The following ADGRL2 variants were observed in gnomAD, a reference collection of about 807,000 sequenced individuals.
ADGRL2 encodes the protein adhesion G protein-coupled receptor L2, also known as calcium-independent alpha-latrotoxin receptor 2.
Under a neutral mutation model 157.4 loss-of-function variants are expected in ADGRL2, and 44 were observed. The observed-to-expected ratio is 0.28, with a 90% CI of 0.22 to 0.36. The LOEUF (loss-of-function observed/expected upper bound fraction) is 0.36, where lower values mean the gene tolerates loss of function less well. Ranked by LOEUF, ADGRL2 falls within the 10% of genes least tolerant of loss-of-function variation. ADGRL2 has a pLI of 1.00. For missense variants in ADGRL2, 1,510 were observed against 1,768.9 expected, an observed-to-expected ratio of 0.85 and a Z score of 2.63; for synonymous variants, 585 against 624.7, an observed-to-expected ratio of 0.94 and a Z score of 0.95.
chr1:81,950,606 G>T, intron 7 of ADGRL2, 124 bp downstream of exon 7: 1 of 919,388 alleles, frequency 1.1e-6, no homozygotes. Context: ...TTGTACTTTG[G>T]TAATATAACA....
At chr1:81,893,450 A>G (rs1490486851) in intron 2 of ADGRL2, among the ~76,000 whole-genome samples, 4 of 152,190 alleles carry the variant, frequency 2.6e-5, no homozygotes, top group Non-Finnish European at 5.9e-5. Context: ...GGAAGGGGCT[A>G]TTAGAGTAGT....
At chr1:81,864,932 G>A (rs923436473) in intron 2 of ADGRL2, among the ~76,000 whole-genome samples, 1 of 152,156 alleles carries the variant, frequency 6.6e-6, no homozygotes, top group Non-Finnish European at 1.5e-5. Flanking sequence ...GTTGCAGTGA[G>A]CCAAGATCGC....
chr1:81,656,640 C>T (rs1557542064), intron 3 of ADGRL2, among the ~76,000 whole-genome samples: 4 of 152,102 alleles, frequency 2.6e-5, no homozygotes, highest in African/African-American at 7.2e-5. Context: ...GGTATCTTAA[C>T]CTGTGAATTT....
chr1:81,908,865 CT>C (rs1444647260), intron 3 of ADGRL2, among the ~76,000 whole-genome samples: 3 of 123,300 alleles, frequency 2.4e-5, no homozygotes, highest in African/African-American at 9.5e-5. Context: ...ATCTGTACAT[CT>C]TTTTTTTCTT....
At chr1:81,756,031 T>G (rs1167701603) in intron 1 of ADGRL2, among the ~76,000 whole-genome samples, 1 of 152,168 alleles carries the variant, frequency 6.6e-6, no homozygotes, top group African/African-American at 2.4e-5. Context: ...TAAAATATCC[T>G]TTAATCTAAA....
chr1:81,537,898 C>T (rs752666717), intron 2 of ADGRL2, among the ~76,000 whole-genome samples: 1 of 152,018 alleles, frequency 6.6e-6, no homozygotes, highest in Non-Finnish European at 1.5e-5. Context: ...CAGGATTTCA[C>T]CATGTTGGCC....
chr1:81,534,619 A>G (rs1368639571), intron 2 of ADGRL2, among the ~76,000 whole-genome samples: 1 of 152,258 alleles, frequency 6.6e-6, no homozygotes, highest in Non-Finnish European at 1.5e-5. Context: ...AAAGAAATTG[A>G]GTCTGTGATC....
intron 11 of ADGRL2, among the ~76,000 whole-genome samples, chr1:81,958,303 T>C (rs1294305604): frequency 1.3e-5 from 2 of 151,896 alleles, no homozygotes; most frequent in Non-Finnish European, 2.9e-5. Flanking sequence ...GTTGTGTCTT[T>C]TTTATTTCCA....
intron 1 of ADGRL2, among the ~76,000 whole-genome samples, chr1:81,322,374 T>C (rs1265068456): frequency 1.3e-5 from 2 of 151,910 alleles, no homozygotes; most frequent in African/African-American, 2.4e-5. Context: ...TATACGATAC[T>C]TAGGAATAAA....
chr1:81,983,001 CA>C (rs780362789), intron 19 of ADGRL2, among the ~76,000 whole-genome samples: 5 of 151,842 alleles, frequency 3.3e-5, no homozygotes, highest in South Asian at 2.1e-4. Context: ...AAACATTGTA[CA>C]GGGGTAACAT....
chr1:81,966,382 G>T, intron 12 of ADGRL2, 22 bp from the exon 13 acceptor site: 1 of 1,605,132 alleles, frequency 6.2e-7, no homozygotes, highest in Non-Finnish European at 8.5e-7. Flanking sequence ...TGTACATCAT[G>T]TGACTATTTT....
intron 17 of ADGRL2, among the ~76,000 whole-genome samples, chr1:81,975,905 T>G (rs1007116584): frequency 2.0e-5 from 3 of 151,986 alleles, no homozygotes; most frequent in African/African-American, 4.8e-5. Flanking sequence ...TGGAATATTT[T>G]CCCCTGCAAA....
intron 2 of ADGRL2, among the ~76,000 whole-genome samples, chr1:81,457,934 G>A (rs1448607457): frequency 6.6e-6 from 1 of 152,114 alleles, no homozygotes; most frequent in African/African-American, 2.4e-5. Context: ...ATTTTGAATT[G>A]AATGACCAGT....
At chr1:81,658,804 T>C (rs1486919973) in intron 3 of ADGRL2, among the ~76,000 whole-genome samples, 1 of 152,024 alleles carries the variant, frequency 6.6e-6, no homozygotes, top group Non-Finnish European at 1.5e-5. Flanking sequence ...CAGGCTGGAG[T>C]GCGATGGCAC....
chr1:81,709,003 T>C (rs2083834363), intron 1 of ADGRL2, among the ~76,000 whole-genome samples: 1 of 152,114 alleles, frequency 6.6e-6, no homozygotes, highest in African/African-American at 2.4e-5. Context: ...GGTCTCACCA[T>C]ATAACTATAG....
chr1:81,657,875 A>G (rs1014501237), intron 3 of ADGRL2, among the ~76,000 whole-genome samples: 3 of 152,178 alleles, frequency 2.0e-5, no homozygotes, highest in African/African-American at 7.2e-5. Context: ...CTATTACCAC[A>G]TATTATTTTT....
At chr1:81,418,826 A>G (rs1320033941) in intron 1 of ADGRL2, among the ~76,000 whole-genome samples, 6 of 152,202 alleles carry the variant, frequency 3.9e-5, no homozygotes, top group African/African-American at 1.4e-4. Context: ...TTAATATCTG[A>G]TTTCCAATAT....
intron 3 of ADGRL2, among the ~76,000 whole-genome samples, chr1:81,916,397 T>TA (rs1451869373): frequency 2.0e-5 from 3 of 152,192 alleles, no homozygotes; most frequent in African/African-American, 7.2e-5. Context: ...GTTACAGTTG[T>TA]AAAAAATAGA....
intron 2 of ADGRL2, among the ~76,000 whole-genome samples, chr1:81,489,724 T>G (rs1197335163): frequency 6.6e-6 from 1 of 152,222 alleles, no homozygotes; most frequent in Non-Finnish European, 1.5e-5. Flanking sequence ...CAGAAGTGGC[T>G]CATCGCATAC....
Sources: allele counts gnomAD v4.1 joint callset (sites outside exome capture counted in the v4.1 genomes callset), GRCh38; gene constraint gnomAD v4.1.1; transcripts MANE v1.5; gene names NCBI Gene and HGNC (gene_info 2026-07-23, HGNC 2026-07-21).